GRM1: variants seen among roughly 807,000 people sequenced by gnomAD.
GRM1 encodes the protein metabotropic glutamate receptor 1.
In GRM1, 33 loss-of-function variants were observed where a neutral mutation model predicts 90.9. That is an observed-to-expected ratio of 0.36 (90% confidence interval 0.28 to 0.49). The LOEUF (loss-of-function observed/expected upper bound fraction) is 0.49, where lower values mean the gene tolerates loss of function less well. GRM1 is among the 20% of genes least tolerant of loss of function. GRM1 has a pLI of 0.99. For synonymous variants in GRM1, 700 were observed against 613.2 expected (o/e 1.14, Z -2.09); for missense variants, 1,190 against 1,534.3 (o/e 0.78, Z 3.75).
intron 1 of GRM1, among the ~76,000 whole-genome samples, chr6:146,084,003 T>A (rs1490658195): frequency 6.6e-6 from 1 of 152,200 alleles, no homozygotes; most frequent in Non-Finnish European, 1.5e-5. Flanking sequence ...TCTTCTAGAG[T>A]TTCTAGTTTA....
intron 1 of GRM1, among the ~76,000 whole-genome samples, chr6:146,154,504 C>T (rs141514469): frequency 6.6e-6 from 1 of 152,160 alleles, no homozygotes; most frequent in Non-Finnish European, 1.5e-5. Context: ...GTTAATGCTT[C>T]GTTTGGGCTT....
chr6:146,432,326 C>A (rs1778442976), intron 7 of GRM1, among the ~76,000 whole-genome samples: 1 of 152,154 alleles, frequency 6.6e-6, no homozygotes, highest in Non-Finnish European at 1.5e-5. Flanking sequence ...TTTCTATAAT[C>A]AATATCAGAC....
chr6:146,427,946 G>C (rs981992367), intron 7 of GRM1, among the ~76,000 whole-genome samples: 2 of 152,200 alleles, frequency 1.3e-5, no homozygotes, highest in Non-Finnish European at 2.9e-5. Context: ...TGACAGCAGG[G>C]CCAGAGAGAG....
At chr6:146,357,822 G>A in intron 5 of GRM1, 128 bp downstream of exon 5, 1 of 752,562 alleles carries the variant, frequency 1.3e-6, no homozygotes, top group East Asian at 2.7e-5. Flanking sequence ...TTACAGTTTT[G>A]GCTCTTGAGT....
At chr6:146,116,881 T>G (rs1214512971) in intron 1 of GRM1, among the ~76,000 whole-genome samples, 2 of 151,966 alleles carry the variant, frequency 1.3e-5, no homozygotes, top group Non-Finnish European at 2.9e-5. Context: ...TGGCATAAAA[T>G]TTTATCTAAT....
intron 1 of GRM1, among the ~76,000 whole-genome samples, chr6:146,063,973 T>G (rs1447112279): frequency 6.6e-6 from 1 of 152,212 alleles, no homozygotes; most frequent in African/African-American, 2.4e-5. Context: ...TTGGATTCAT[T>G]TGCATTATAA....
chr6:146,173,606 A>G (rs909248027), intron 2 of GRM1, among the ~76,000 whole-genome samples: 4 of 151,844 alleles, frequency 2.6e-5, no homozygotes, highest in Non-Finnish European at 5.9e-5. Context: ...GGATGATTCC[A>G]GAGTTTTATC....
At chr6:146,113,050 A>G (rs969152779) in intron 1 of GRM1, among the ~76,000 whole-genome samples, 1 of 152,216 alleles carries the variant, frequency 6.6e-6, no homozygotes, top group African/African-American at 2.4e-5. Flanking sequence ...CGACAAAAAC[A>G]TCAAATAAAG....
chr6:146,385,797 C>T (rs185718945), intron 5 of GRM1, among the ~76,000 whole-genome samples: 24 of 151,598 alleles, frequency 1.6e-4, no homozygotes, highest in Admixed American at 7.2e-4. Flanking sequence ...ACCCAAAGGA[C>T]GGGAGGGGAA....
intron 1 of GRM1, among the ~76,000 whole-genome samples, chr6:146,110,776 G>A (rs11155454): frequency 6.6e-6 from 1 of 152,072 alleles, no homozygotes; most frequent in African/African-American, 2.4e-5. Flanking sequence ...TGCCAAACTA[G>A]ATGTTTAGAG....
chr6:146,036,252 C>T (rs1433080776), intron 1 of GRM1, among the ~76,000 whole-genome samples: 3 of 151,882 alleles, frequency 2.0e-5, no homozygotes. Context: ...GAACCACATC[C>T]AGAAAAGAAT....
At chr6:146,223,125 T>C (rs547077431) in intron 2 of GRM1, among the ~76,000 whole-genome samples, 2 of 152,112 alleles carry the variant, frequency 1.3e-5, no homozygotes, top group Admixed American at 6.6e-5. Flanking sequence ...GGCTCTACTA[T>C]GGCCAAACAG....
chr6:146,270,835 C>CT (rs1215324215), intron 2 of GRM1, among the ~76,000 whole-genome samples: 53 of 134,342 alleles, frequency 3.9e-4, no homozygotes, highest in African/African-American at 1.0e-3. Context: ...GCCTGCCTGC[C>CT]TGCCTTTCTT....
Position 146,029,452 on chromosome 6 carries a change from C to G in GRM1, c.-66C>G, listed in dbSNP as rs569841372. ...CGCTGGGCGTCTTGGGGGTGCGCGC[C>G]GGGAGCCTGCAGCGGGACCAGCGTG... On this transcript the variant is annotated 5_prime_UTR_variant, in exon 1 of 8. Coordinates refer to ENST00000282753, the MANE Select transcript of GRM1 (RefSeq NM_001278064.2). The G allele has an allele frequency of 1.5e-6, 2 of 1,304,656 alleles. No individual in the cohort carries two copies. Among genetic ancestry groups the G allele is most frequent in the Non-Finnish European group, 2.2e-6 (2 of 898,822 alleles). 80.8% of individuals were successfully genotyped at this position (1,304,656 alleles called of 1,614,324 possible).
At chr6:146,252,442 A>G (rs1446343001) in intron 2 of GRM1, among the ~76,000 whole-genome samples, 1 of 152,080 alleles carries the variant, frequency 6.6e-6, no homozygotes, top group East Asian at 1.9e-4. Flanking sequence ...GTTCAAGACC[A>G]GCCTGGCCAA....
chr6:146,229,780 C>A (rs1189176126), intron 2 of GRM1, among the ~76,000 whole-genome samples: 2 of 152,118 alleles, frequency 1.3e-5, no homozygotes, highest in Non-Finnish European at 2.9e-5. Flanking sequence ...AAATAACTAT[C>A]ATGTACTGAG....
chr6:146,373,534 A>G (rs1372510275), intron 5 of GRM1, among the ~76,000 whole-genome samples: 1 of 152,138 alleles, frequency 6.6e-6, no homozygotes, highest in Non-Finnish European at 1.5e-5. Context: ...GCCTCCCATC[A>G]GACCCCTTCT....
chr6:146,427,532 A>G (rs1778254377), intron 7 of GRM1, among the ~76,000 whole-genome samples: 1 of 152,024 alleles, frequency 6.6e-6, no homozygotes, highest in African/African-American at 2.4e-5. Context: ...CTGCTACTGA[A>G]CCTGGCCATG....
chr6:146,176,072 T>G (rs1217877400), intron 2 of GRM1, among the ~76,000 whole-genome samples: 1 of 152,160 alleles, frequency 6.6e-6, no homozygotes, highest in African/African-American at 2.4e-5. Context: ...AGCTAGCTTT[T>G]GAAACCCTAG....
Sources: allele counts gnomAD v4.1 joint callset (sites outside exome capture counted in the v4.1 genomes callset), GRCh38; gene constraint gnomAD v4.1.1; transcripts MANE v1.5; gene names NCBI Gene and HGNC (gene_info 2026-07-23, HGNC 2026-07-21).